The following GRK1 variants were observed in gnomAD, a reference collection of about 807,000 sequenced individuals.
The protein encoded by GRK1 is rhodopsin kinase GRK1.
Under a neutral mutation model 41.7 loss-of-function variants are expected in GRK1, and 28 were observed. The ratio of observed to expected loss-of-function variants is 0.67; its 90% CI spans 0.50 to 0.92. The LOEUF (loss-of-function observed/expected upper bound fraction) is 0.92, where lower values mean the gene tolerates loss of function less well. GRK1 is among the 40% of genes least tolerant of loss of function. The pLI, the probability that GRK1 is intolerant of heterozygous loss-of-function variation, is 0.00. For synonymous variants in GRK1, 327 were observed against 286.7 expected, an observed-to-expected ratio of 1.14 and a Z score of -1.42; for missense variants, 703 against 671.2, an observed-to-expected ratio of 1.05 and a Z score of -0.52.
chr13:113,649,703 C>T, the GRK1 span, among the ~76,000 whole-genome samples: 1 of 152,288 alleles, frequency 6.6e-6, no homozygotes, highest in South Asian at 2.1e-4. The surrounding 1 kb of genome is among the most constrained non-coding windows in gnomAD (Gnocchi z 4.7). Flanking sequence ...GATAACACCC[C>T]CCATGTAAAA....
chr13:113,727,081 C>T (rs1484688983), intron 4 of GRK1, among the ~76,000 whole-genome samples: 3 of 152,222 alleles, frequency 2.0e-5, no homozygotes, highest in African/African-American at 2.4e-5. Context: ...CACTGTGTGC[C>T]GGGTTGGCCT....
chr13:113,652,199 G>A, the GRK1 span, among the ~76,000 whole-genome samples: 22,460 of 152,154 alleles, frequency 0.15, 1,833 homozygotes, highest in African/African-American at 0.2. Context: ...TCCGAGGGTG[G>A]CAGCTGCCAT....
At chr13:113,723,884 A>C (rs2049873352) in intron 4 of GRK1, among the ~76,000 whole-genome samples, 1 of 122,662 alleles carries the variant, frequency 8.2e-6, no homozygotes, top group Admixed American at 7.5e-5. Context: ...CTGTGCACAC[A>C]CGTGTCCGTG....
chr13:113,660,154 A>G, the GRK1 span, among the ~76,000 whole-genome samples: 1 of 152,196 alleles, frequency 6.6e-6, no homozygotes, highest in South Asian at 2.1e-4. Flanking sequence ...GGTGCTCTAT[A>G]CAAATTGGGT....
chr13:113,649,620 C>A, the GRK1 span: 1 of 1,401,654 alleles, frequency 7.1e-7, no homozygotes, highest in Non-Finnish European at 9.4e-7. The surrounding 1 kb of genome is among the most constrained non-coding windows in gnomAD (Gnocchi z 4.7). Flanking sequence ...TGTCAACAGT[C>A]AGGTTGGTGC....
chr13:113,649,307 A>T, the GRK1 span: 1 of 1,522,016 alleles, frequency 6.6e-7, no homozygotes, highest in Non-Finnish European at 8.9e-7. The surrounding 1 kb of genome is among the most constrained non-coding windows in gnomAD (Gnocchi z 4.7). Flanking sequence ...CGGGCAAGGT[A>T]AGCCCAACCA....
intron 5 of GRK1, among the ~76,000 whole-genome samples, chr13:113,732,675 C>A (rs910020372): frequency 5.3e-5 from 8 of 152,180 alleles, no homozygotes; most frequent in African/African-American, 1.9e-4. Flanking sequence ...ATGCACGGCA[C>A]CCACCTGTGG....
chr13:113,664,948 C>T (rs1478264939), upstream of GRK1, among the ~76,000 whole-genome samples: 3 of 152,194 alleles, frequency 2.0e-5, no homozygotes, highest in Admixed American at 6.5e-5. This position sits in a 1 kb window ranked among gnomAD's most constrained non-coding sequence, Gnocchi z 5.4. Context: ...TCCTGGTGAA[C>T]GATGGGATAT....
At chr13:113,651,540 A>T in the GRK1 span, 1 of 1,041,924 alleles carries the variant, frequency 9.6e-7, no homozygotes, top group Non-Finnish European at 1.3e-6. Context: ...TTCGGTGTTT[A>T]CGTCTGGTTT....
At chr13:113,666,432 C>T (rs1016821750), upstream of GRK1, among the ~76,000 whole-genome samples, 3 of 149,090 alleles carry the variant, frequency 2.0e-5, no homozygotes, top group Admixed American at 2.0e-4. Context: ...GCTGTCCCAG[C>T]TGTCCCAGGT....
chr13:113,733,372 T>G (rs1259410243), intron 6 of GRK1, among the ~76,000 whole-genome samples: 1 of 152,242 alleles, frequency 6.6e-6, no homozygotes, highest in African/African-American at 2.4e-5. Context: ...CGTCCCCTGG[T>G]GCTGGAGGGA....
chr13:113,733,159 A>C, intron 6 of GRK1, 74 bp downstream of exon 6: 1 of 1,422,186 alleles, frequency 7.0e-7, no homozygotes, highest in Non-Finnish European at 9.3e-7. Flanking sequence ...CGCCCGGTCC[A>C]GCCTGTGAGA....
intron 6 of GRK1, among the ~76,000 whole-genome samples, chr13:113,733,696 C>CGT (rs2049962102): frequency 1.9e-5 from 2 of 104,328 alleles, no homozygotes; most frequent in South Asian, 2.9e-4. Context: ...TGTGTGCATA[C>CGT]ATGTGTGCGT....
intron 5 of GRK1, 112 bp from the exon 6 acceptor site, chr13:113,732,772 G>A (rs2049946299): frequency 3.5e-6 from 4 of 1,149,072 alleles, no homozygotes; most frequent in Admixed American, 4.4e-5. Flanking sequence ...AGGCCTCATG[G>A]GTCCCCCACC....
the GRK1 span, chr13:113,653,085 G>C: frequency 3.7e-6 from 6 of 1,601,564 alleles, no homozygotes; most frequent in South Asian, 3.3e-5. Flanking sequence ...GCAGACGGAC[G>C]CACCTGCCAG....
At position 113,670,233 on chromosome 13, in the gene GRK1, G is replaced by A. The variant is rs572278067; in HGVS notation, c.827+419G>A. On this transcript the variant is annotated intron_variant, in intron 2 of 6. Coordinates refer to ENST00000335678, the MANE Select transcript of GRK1 (RefSeq NM_002929.3). ...GACAAGATCAGTCCAGCTGGGGGCC[G>A]TGATCTTGCTGTCCCCAGGCAGAGA... Among the ~76,000 whole-genome samples, 22 of 152,226 alleles carry A rather than the reference G, an allele frequency of 1.4e-4. No homozygotes were observed. In the South Asian group the frequency reaches 1.7e-3, roughly 11 times the overall value.
At position 113,731,118 on chromosome 13, in the gene GRK1, C is replaced by G. The variant is rs140240527; in HGVS notation, c.1070-101C>G. On this transcript the variant is annotated intron_variant, in intron 4 of 6. Transcript: ENST00000335678. This position sits in a 1 kb window ranked among gnomAD's most constrained non-coding sequence, Gnocchi z 5.6. The stretch of plus-strand genomic sequence containing the variant: ...CCAAATGTGGAGAGTGCTGAGGCCC[C>G]GGGGGGGATGCATCCCCAGAGCATC... 1 of 1,459,686 alleles carries G rather than the reference C, an allele frequency of 6.9e-7. No individual in the cohort carries two copies. The highest frequency in any genetic ancestry group is 2.5e-5 in the East Asian group (1 of 40,008). The allele number at this position is 1,459,686 out of a possible 1,614,324, so 90.4% of individuals were successfully genotyped here. A position where few individuals can be genotyped will look rare whatever the true frequency, so the allele number is the denominator to read the frequency against.
At chr13:113,666,507 G>GTGCCCCAGGTT (rs2049820325), upstream of GRK1, among the ~76,000 whole-genome samples, 1 of 151,728 alleles carries the variant, frequency 6.6e-6, no homozygotes, top group African/African-American at 2.4e-5. Flanking sequence ...TGCCCCAGGT[G>GTGCCCCAGGTT]TACCCCAGGT....
intron 4 of GRK1, among the ~76,000 whole-genome samples, chr13:113,729,416 G>A (rs2049917377): frequency 1.3e-5 from 2 of 152,202 alleles, no homozygotes; most frequent in African/African-American, 4.8e-5. Flanking sequence ...GGACACACAT[G>A]TGATCTGCTT....
Sources: gnomAD v4.1 joint callset for allele counts (sites outside exome capture counted in the v4.1 genomes callset) on GRCh38, gnomAD v4.1.1 for gene constraint, Gnocchi (gnomAD v3.1) non-coding constraint, MANE v1.5 for transcripts, NCBI Gene and HGNC (gene_info 2026-07-23, HGNC 2026-07-21) for gene names.